CPA6: variants seen among roughly 807,000 people sequenced by gnomAD.
CPA6 encodes carboxypeptidase A6, also known as carboxypeptidase B.
A neutral mutation model predicts 63.3 loss-of-function variants in CPA6; 58 were observed. The ratio of observed to expected loss-of-function variants is 0.92; its 90% CI spans 0.74 to 1.14. CPA6 has a LOEUF of 1.14. Ranked by LOEUF, CPA6 falls within the 50% of genes most tolerant of loss-of-function variation. The pLI, the probability that CPA6 is intolerant of heterozygous loss-of-function variation, is 0.00. For missense variants in CPA6, 565 were observed against 526.6 expected, an observed-to-expected ratio of 1.07 and a Z score of -0.71; for synonymous variants, 185 against 179.0, an observed-to-expected ratio of 1.03 and a Z score of -0.27.
chr8:67,680,446 T>C lies in CPA6; in HGVS notation c.117-56195A>G, dbSNP rs554026717. ...CTGACACAAGCCATGAAAGTGCCAC[T>C]GCACTCCAGCTGCCTGGGCAATGGA... On this transcript the variant is annotated intron_variant, in intron 1 of 10. Coordinates refer to ENST00000297770, the MANE Select transcript of CPA6 (RefSeq NM_020361.5). Among the ~76,000 whole-genome samples, 414 of 150,612 alleles carry C rather than the reference T, an allele frequency of 2.7e-3. 1 individual carries two copies. Among genetic ancestry groups the C allele is most frequent in the Non-Finnish European group, 4.1e-3 (275 of 67,858 alleles).
At chr8:67,450,231 A>T (rs976081230) in intron 8 of CPA6, among the ~76,000 whole-genome samples, 3 of 152,218 alleles carry the variant, frequency 2.0e-5, no homozygotes, top group Non-Finnish European at 4.4e-5. Flanking sequence ...GTGTTTTGAG[A>T]GTTACAAAAA....
intron 2 of CPA6, among the ~76,000 whole-genome samples, chr8:67,531,079 A>G (rs1289846620): frequency 6.6e-6 from 1 of 152,230 alleles, no homozygotes; most frequent in Non-Finnish European, 1.5e-5. Context: ...AAAAATGGCT[A>G]GAGGAAGTTT....
At chr8:67,423,359 A>G (rs1427309312) in intron 10 of CPA6, among the ~76,000 whole-genome samples, 1 of 152,244 alleles carries the variant, frequency 6.6e-6, no homozygotes, top group Non-Finnish European at 1.5e-5. Flanking sequence ...TGCTGGGATT[A>G]CAGGCGTGAG....
Position 67,543,441 on chromosome 8 carries a change from C to T in CPA6, c.193-25394G>A, listed in dbSNP as rs112688920. 5.5e-3 allele frequency among the ~76,000 whole-genome samples: 834 copies of T among 152,268 alleles called. 11 individuals carry two copies. The highest frequency in any genetic ancestry group is 0.019 in the African/African-American group (791 of 41,540). On this transcript the variant is annotated intron_variant, in intron 2 of 10. Coordinates refer to ENST00000297770, the MANE Select transcript of CPA6 (RefSeq NM_020361.5). ...TTTTAATATAGCTTCAGATTATATG[C>T]TGTCGGTTGAACATACTGCTCAATT...
chr8:67,566,641 T>G (rs893922703), intron 2 of CPA6, among the ~76,000 whole-genome samples: 2 of 152,204 alleles, frequency 1.3e-5, no homozygotes, highest in Non-Finnish European at 2.9e-5. Context: ...AAAGTGGACA[T>G]TTTGGTTGAT....
intron 8 of CPA6, among the ~76,000 whole-genome samples, chr8:67,473,582 T>C (rs1811110120): frequency 6.6e-6 from 1 of 152,158 alleles, no homozygotes; most frequent in African/African-American, 2.4e-5. Context: ...GAATCCCCTA[T>C]GGCTAGTTTT....
chr8:67,449,070 G>A (rs1174907647), intron 8 of CPA6, among the ~76,000 whole-genome samples: 2 of 152,130 alleles, frequency 1.3e-5, no homozygotes, highest in Non-Finnish European at 2.9e-5. Flanking sequence ...TGGCCAACAA[G>A]GTAAAACTCC....
intron 1 of CPA6, among the ~76,000 whole-genome samples, chr8:67,719,571 A>G (rs1192521134): frequency 6.6e-6 from 1 of 152,190 alleles, no homozygotes; most frequent in African/African-American, 2.4e-5. Context: ...GCAGAGCAAC[A>G]TAACAAAAAG....
intron 8 of CPA6, among the ~76,000 whole-genome samples, chr8:67,465,303 T>C (rs907947656): frequency 1.3e-5 from 2 of 151,198 alleles, no homozygotes; most frequent in African/African-American, 4.8e-5. Flanking sequence ...TCAGCTTGAA[T>C]GTTATTGGTG....
chr8:67,669,623 T>G (rs1010551699), intron 1 of CPA6, among the ~76,000 whole-genome samples: 2 of 152,204 alleles, frequency 1.3e-5, no homozygotes, highest in Admixed American at 6.5e-5. Context: ...AACAACTTCC[T>G]CACCTTTCCC....
intron 2 of CPA6, among the ~76,000 whole-genome samples, chr8:67,555,511 C>T (rs1479754704): frequency 6.6e-6 from 1 of 152,230 alleles, no homozygotes; most frequent in Non-Finnish European, 1.5e-5. Flanking sequence ...CTCCATCTGG[C>T]TGTTCCTGAG....
intron 8 of CPA6, among the ~76,000 whole-genome samples, chr8:67,472,412 C>CTTATTTTATTTTATT (rs76537277): frequency 3.5e-5 from 2 of 57,732 alleles, no homozygotes; most frequent in Non-Finnish European, 6.1e-5. Context: ...TTTATCTTAT[C>CTTATTTTATTTTATT]TTATTTTATT....
chr8:67,686,616 C>T (rs1554534176), intron 1 of CPA6, among the ~76,000 whole-genome samples: 1 of 152,160 alleles, frequency 6.6e-6, no homozygotes, highest in Non-Finnish European at 1.5e-5. Flanking sequence ...ATGTGGGTTC[C>T]TCAAGTAAAA....
At chr8:67,692,115 T>G (rs2128997439) in intron 1 of CPA6, among the ~76,000 whole-genome samples, 1 of 152,228 alleles carries the variant, frequency 6.6e-6, no homozygotes, top group Admixed American at 6.5e-5. Flanking sequence ...GGCCAGCGGA[T>G]CACCTGAGGT....
chr8:67,743,162 A>G (rs892488826), intron 1 of CPA6, among the ~76,000 whole-genome samples: 1 of 152,224 alleles, frequency 6.6e-6, no homozygotes, highest in Admixed American at 6.5e-5. Flanking sequence ...ACCAATAAAT[A>G]TAATCGAAGT....
intron 8 of CPA6, among the ~76,000 whole-genome samples, chr8:67,481,790 C>T (rs999675406): frequency 2.0e-5 from 3 of 152,144 alleles, no homozygotes; most frequent in South Asian, 2.1e-4. Flanking sequence ...CTTCATGCAG[C>T]ACATAACTGC....
intron 1 of CPA6, among the ~76,000 whole-genome samples, chr8:67,721,215 C>T (rs1436928738): frequency 6.6e-6 from 1 of 152,206 alleles, no homozygotes; most frequent in Non-Finnish European, 1.5e-5. Flanking sequence ...AAGGTCCTCT[C>T]GGACTTTGTT....
chr8:67,617,702 T>A (rs1344810487), intron 2 of CPA6, among the ~76,000 whole-genome samples: 2 of 152,232 alleles, frequency 1.3e-5, no homozygotes, highest in Non-Finnish European at 2.9e-5. Context: ...AGGTCAGAAG[T>A]CTGGGCATGG....
At position 67,556,742 on chromosome 8, in the gene CPA6, T is replaced by G. The variant is rs149168477; in HGVS notation, c.193-38695A>C. ...TATCTGGACTCAGACTTTGGTGAAC[T>G]TAGAGGGACTATTTGTGAATGTCAA... On this transcript the variant is annotated intron_variant, in intron 2 of 10. Coordinates refer to ENST00000297770, the MANE Select transcript of CPA6 (RefSeq NM_020361.5). 7.9e-4 allele frequency among the ~76,000 whole-genome samples: 121 copies of G among 152,354 alleles called. 1 individual carries two copies. Among genetic ancestry groups the G allele is most frequent in the African/African-American group, 2.8e-3 (116 of 41,590 alleles).
Sources: gnomAD v4.1 joint callset for allele counts (sites outside exome capture counted in the v4.1 genomes callset) on GRCh38, gnomAD v4.1.1 for gene constraint, MANE v1.5 for transcripts, NCBI Gene and HGNC (gene_info 2026-07-23, HGNC 2026-07-21) for gene names.